Variants in HDAC9 observed in about 807,000 individuals in gnomAD.
HDAC9 encodes the protein MEF-2 interacting transcription repressor (MITR) protein.
HDAC9 carries 41 observed loss-of-function variants against 139.4 expected under a neutral mutation model. The ratio of observed to expected loss-of-function variants is 0.29; its 90% CI spans 0.23 to 0.38. HDAC9 has a LOEUF of 0.38. HDAC9 is among the 10% of genes least tolerant of loss of function. The pLI is 1.00. For missense variants in HDAC9, 1,147 were observed against 1,297.0 expected (o/e 0.88, Z 1.78); for synonymous variants, 517 against 476.2 (o/e 1.09, Z -1.12).
chr7:18,361,803 T>C (rs543470060), intron 1 of HDAC9, among the ~76,000 whole-genome samples: 2 of 151,928 alleles, frequency 1.3e-5, no homozygotes, highest in African/African-American at 2.4e-5. Context: ...ATTTCGTTTA[T>C]TGCAAGGAGA....
At chr7:18,740,167 A>T (rs1353944488) in intron 13 of HDAC9, among the ~76,000 whole-genome samples, 1 of 152,208 alleles carries the variant, frequency 6.6e-6, no homozygotes. Context: ...TTTCAGGTAC[A>T]GTCTGTCATG....
chr7:18,478,516 A>G (rs1248562825), intron 1 of HDAC9, among the ~76,000 whole-genome samples: 2 of 152,344 alleles, frequency 1.3e-5, no homozygotes, highest in South Asian at 2.1e-4. Context: ...TGCCATAGTA[A>G]TTTCTCACTG....
chr7:18,622,020 G>C (rs1480658356), intron 6 of HDAC9, among the ~76,000 whole-genome samples: 1 of 152,192 alleles, frequency 6.6e-6, no homozygotes, highest in Non-Finnish European at 1.5e-5. Flanking sequence ...AGAAAGAACA[G>C]AGAGTGAATG....
chr7:18,438,441 C>A (rs1323204168), intron 1 of HDAC9, among the ~76,000 whole-genome samples: 1 of 152,078 alleles, frequency 6.6e-6, no homozygotes, highest in Non-Finnish European at 1.5e-5. Flanking sequence ...AGTCATTGGA[C>A]TTTTTAGAAT....
intron 16 of HDAC9, among the ~76,000 whole-genome samples, chr7:18,783,551 G>C (rs1791432893): frequency 6.6e-6 from 1 of 152,068 alleles, no homozygotes; most frequent in Admixed American, 6.6e-5. Context: ...ACACACCTCT[G>C]TAAGAGTTAG....
intron 12 of HDAC9, chr7:18,666,931 A>AT: frequency 1.0e-6 from 1 of 996,026 alleles, no homozygotes; most frequent in Non-Finnish European, 1.2e-6. Context: ...CTAGAATTTA[A>AT]TTTTCACATC....
At chr7:18,193,387 A>G (rs773238176) in intron 2 of HDAC9, among the ~76,000 whole-genome samples, 2 of 152,198 alleles carry the variant, frequency 1.3e-5, no homozygotes, top group Non-Finnish European at 2.9e-5. Context: ...TTTAAAAGCT[A>G]GCCACTTACT....
At chr7:18,119,097 G>A (rs1315188325) in intron 1 of HDAC9, among the ~76,000 whole-genome samples, 4 of 151,994 alleles carry the variant, frequency 2.6e-5, no homozygotes, top group African/African-American at 9.7e-5. Flanking sequence ...TCACTTTTTG[G>A]TTGCTTATTT....
intron 2 of HDAC9, among the ~76,000 whole-genome samples, chr7:18,584,781 A>T (rs532650810): frequency 6.6e-6 from 1 of 152,220 alleles, no homozygotes; most frequent in Non-Finnish European, 1.5e-5. Context: ...GGTACATCCA[A>T]TAGTGCTGCA....
At chr7:18,369,691 T>G (rs1220939156) in intron 1 of HDAC9, among the ~76,000 whole-genome samples, 1 of 152,044 alleles carries the variant, frequency 6.6e-6, no homozygotes, top group African/African-American at 2.4e-5. Context: ...TCTACTATTG[T>G]TTTTCTATAT....
In HDAC9 at chr7:18,591,475, A is replaced by G. The variant is rs1726608; in HGVS notation, c.416-41A>G. 1.5e-3 allele frequency: 2,186 copies of G among 1,474,012 alleles called. 18 individuals are homozygous for G. In the African/African-American group the frequency reaches 0.028, roughly 19 times the overall value. The allele number at this position is 1,474,012 out of a possible 1,614,324, so 91.3% of individuals were successfully genotyped here. ...CATCAACATCTGTTTCTGTGTGTGT[A>G]TGTGTGTGTGTGTGTGTGTGTGTGT... On this transcript the variant is annotated intron_variant, in intron 4 of 25. Transcript: ENST00000686413.
intron 2 of HDAC9, among the ~76,000 whole-genome samples, chr7:18,570,222 A>G (rs895224413): frequency 1.3e-5 from 2 of 152,316 alleles, no homozygotes; most frequent in East Asian, 1.9e-4. Flanking sequence ...CCTAGACTCA[A>G]TAGAATTTTG....
chr7:18,122,502 A>G (rs554959036), intron 1 of HDAC9, among the ~76,000 whole-genome samples: 4 of 152,222 alleles, frequency 2.6e-5, no homozygotes, highest in African/African-American at 7.2e-5. Flanking sequence ...CTATATCCTT[A>G]TCTGAGTCAA....
At chr7:18,233,052 C>T (rs1793572445) in intron 2 of HDAC9, among the ~76,000 whole-genome samples, 1 of 151,968 alleles carries the variant, frequency 6.6e-6, no homozygotes, top group Non-Finnish European at 1.5e-5. Context: ...AATTGTTGCC[C>T]CCAAACAGCC....
intron 1 of HDAC9, among the ~76,000 whole-genome samples, chr7:18,386,182 T>G (rs953140986): frequency 2.0e-5 from 3 of 152,198 alleles, no homozygotes; most frequent in African/African-American, 7.2e-5. Context: ...CATAGATTGC[T>G]TGTTTGCACC....
At chr7:18,205,372 A>G (rs190259433) in intron 2 of HDAC9, among the ~76,000 whole-genome samples, 3 of 152,160 alleles carry the variant, frequency 2.0e-5, no homozygotes, top group East Asian at 1.9e-4. Context: ...CTTCTTTTCC[A>G]AAAACATTGA....
chr7:18,985,534 G>C (rs1429345982), intron 25 of HDAC9, among the ~76,000 whole-genome samples: 1 of 151,932 alleles, frequency 6.6e-6, no homozygotes, highest in Non-Finnish European at 1.5e-5. Context: ...AAACGTACGT[G>C]TGCGTGTGTC....
chr7:18,394,056 C>G (rs1051906137), intron 1 of HDAC9, among the ~76,000 whole-genome samples: 3 of 152,114 alleles, frequency 2.0e-5, no homozygotes, highest in African/African-American at 7.2e-5. Flanking sequence ...GGATTGATTT[C>G]AAAAGCTAAA....
At chr7:18,847,659 T>C (rs1378097198) in intron 21 of HDAC9, among the ~76,000 whole-genome samples, 1 of 152,168 alleles carries the variant, frequency 6.6e-6, no homozygotes, top group East Asian at 1.9e-4. Flanking sequence ...CCCAAACCAG[T>C]TTGAAGCCAA....
Sources: allele counts gnomAD v4.1 joint callset (sites outside exome capture counted in the v4.1 genomes callset), GRCh38; gene constraint gnomAD v4.1.1; transcripts MANE v1.5; gene names NCBI Gene and HGNC (gene_info 2026-07-23, HGNC 2026-07-21).